AGBL1: variants seen among roughly 807,000 people sequenced by gnomAD.
AGBL1 encodes the protein AGBL carboxypeptidase 1, also known as cytosolic carboxypeptidase 4.
In AGBL1, 130 loss-of-function variants were observed where a neutral mutation model predicts 118.9. The ratio of observed to expected loss-of-function variants is 1.09; its 90% CI spans 0.95 to 1.26. AGBL1 has a LOEUF of 1.26. AGBL1 is among the 50% of genes most tolerant of loss of function. AGBL1 has a pLI of 0.00. For missense variants in AGBL1, 1,584 were observed against 1,298.1 expected, an observed-to-expected ratio of 1.22 and a Z score of -3.38; for synonymous variants, 555 against 478.9, an observed-to-expected ratio of 1.16 and a Z score of -2.08.
chr15:86,910,983 T>A lies in AGBL1; in HGVS notation c.*3689T>A, dbSNP rs1326545536. 6.6e-6 allele frequency: 1 copy of A among 152,218 alleles called. No individual in the cohort carries two copies. The highest frequency in any genetic ancestry group is 6.5e-5 in the Admixed American group (1 of 15,290). 9.4% of individuals were successfully genotyped at this position (152,218 alleles called of 1,614,324 possible). A position where few individuals can be genotyped will look rare whatever the true frequency, so the allele number is the denominator to read the frequency against. ...ATAGTTATAAGAGCCATTCTTCCAGTCAAGCCAGGACTTTCTCTTGCTGGC... is the reference window on the plus strand; with the variant it reads ...ATAGTTATAAGAGCCATTCTTCCAGACAAGCCAGGACTTTCTCTTGCTGGC... On this transcript the variant is annotated 3_prime_UTR_variant, in exon 23 of 23. Coordinates refer to ENST00000614907, the MANE Select transcript of AGBL1 (RefSeq NM_001386094.1).
chr15:86,672,090 A>C (rs999874260), intron 21 of AGBL1, among the ~76,000 whole-genome samples: 5 of 152,108 alleles, frequency 3.3e-5, no homozygotes, highest in African/African-American at 1.2e-4. Flanking sequence ...AACAAAAACA[A>C]CTCTCAAATA....
intron 21 of AGBL1, among the ~76,000 whole-genome samples, chr15:86,566,610 A>G (rs2083919366): frequency 6.6e-6 from 1 of 152,048 alleles, no homozygotes; most frequent in Non-Finnish European, 1.5e-5. Context: ...TCATCAGAGA[A>G]CCATGGCTCT....
At chr15:86,597,104 C>G (rs956692208) in intron 21 of AGBL1, among the ~76,000 whole-genome samples, 1 of 151,068 alleles carries the variant, frequency 6.6e-6, no homozygotes, top group African/African-American at 2.4e-5. Context: ...ATAGATTGAT[C>G]TATTGATCTG....
intron 17 of AGBL1, among the ~76,000 whole-genome samples, chr15:86,365,861 G>T (rs1380707606): frequency 6.6e-6 from 1 of 152,106 alleles, no homozygotes; most frequent in Non-Finnish European, 1.5e-5. Context: ...GGGCCAATCT[G>T]TGCTTCGTTT....
rs1199483713 is a variant in AGBL1, at chr15:86,914,342, C to T, written c.*7048C>T. Reference sequence around the variant, plus strand: ...TGCTCAGACAATCACATAAGTGACTCATTTCACTCTCAGTACCAGCTCTGT... The same window carrying T: ...TGCTCAGACAATCACATAAGTGACTTATTTCACTCTCAGTACCAGCTCTGT... On this transcript the variant is annotated 3_prime_UTR_variant, in exon 23 of 23. Transcript: ENST00000614907. The T allele has an allele frequency of 6.6e-6, 1 of 152,308 alleles. No individual in the cohort carries two copies. Among genetic ancestry groups the T allele is most frequent in the East Asian group, 1.9e-4 (1 of 5,174 alleles). 9.4% of individuals were successfully genotyped at this position (152,308 alleles called of 1,614,324 possible).
chr15:86,511,857 A>G (rs577244040), intron 18 of AGBL1, among the ~76,000 whole-genome samples: 2 of 152,048 alleles, frequency 1.3e-5, no homozygotes, highest in South Asian at 2.1e-4. Flanking sequence ...GGAGCTTTCA[A>G]TATTAAATGA....
At chr15:86,132,689 A>G (rs984787823) in intron 1 of AGBL1, among the ~76,000 whole-genome samples, 4 of 152,206 alleles carry the variant, frequency 2.6e-5, no homozygotes, top group African/African-American at 9.6e-5. Flanking sequence ...TGCTAGCATT[A>G]TTATGATGAC....
At chr15:86,693,860 CCCACTTTATGTTTTT>C (rs1417504333) in intron 22 of AGBL1, among the ~76,000 whole-genome samples, 2 of 152,036 alleles carry the variant, frequency 1.3e-5, no homozygotes, top group African/African-American at 4.8e-5. Flanking sequence ...GTGTCCTTTC[CCCACTTTATGTTTTT>C]ATTTGCTTTG....
chr15:86,957,820 A>T (rs1267727154), intron 23 of AGBL1, among the ~76,000 whole-genome samples: 12 of 152,106 alleles, frequency 7.9e-5, no homozygotes, highest in Admixed American at 7.9e-4. Context: ...ATGTTGAAAG[A>T]TTTTGTTTTC....
chr15:86,400,148 C>T (rs2081423051), intron 18 of AGBL1, among the ~76,000 whole-genome samples: 2 of 152,114 alleles, frequency 1.3e-5, no homozygotes, highest in African/African-American at 2.4e-5. Context: ...CTGTAATTGA[C>T]ATTTTATTTC....
intron 17 of AGBL1, among the ~76,000 whole-genome samples, chr15:86,317,574 G>A (rs372136217): frequency 6.6e-6 from 1 of 152,194 alleles, no homozygotes. Context: ...ACTTTGAGAG[G>A]CGAAAGAATT....
At chr15:86,681,440 C>T (rs561766681) in intron 22 of AGBL1, among the ~76,000 whole-genome samples, 1 of 152,072 alleles carries the variant, frequency 6.6e-6, no homozygotes, top group African/African-American at 2.4e-5. Flanking sequence ...TTCCAGATAC[C>T]TTTATACAGC....
chr15:86,803,491 C>G (rs2078677850), intron 22 of AGBL1, among the ~76,000 whole-genome samples: 1 of 152,108 alleles, frequency 6.6e-6, no homozygotes, highest in Admixed American at 6.6e-5. Context: ...CAGACTAGTA[C>G]AAACACTAAT....
intron 21 of AGBL1, among the ~76,000 whole-genome samples, chr15:86,661,512 C>G (rs1310005368): frequency 6.6e-6 from 1 of 151,660 alleles, no homozygotes; most frequent in Non-Finnish European, 1.5e-5. Context: ...GTTAGCAGAA[C>G]TAGACTGGGT....
intron 4 of AGBL1, 66 bp from the exon 5 acceptor site, chr15:86,158,867 C>T: frequency 2.8e-6 from 4 of 1,423,084 alleles, no homozygotes; most frequent in Non-Finnish European, 4.0e-6. Flanking sequence ...AGGAGTCAAT[C>T]CAAGTTGTCT....
At chr15:86,892,379 G>T (rs554934726) in intron 22 of AGBL1, among the ~76,000 whole-genome samples, 132 of 152,216 alleles carry the variant, frequency 8.7e-4, no homozygotes, top group Non-Finnish European at 1.3e-3. Flanking sequence ...TCATGACTTC[G>T]ATTGGGGCTG....
intron 22 of AGBL1, among the ~76,000 whole-genome samples, chr15:86,823,130 T>G (rs941253543): frequency 8.5e-5 from 13 of 152,138 alleles, no homozygotes; most frequent in Non-Finnish European, 1.9e-4. Flanking sequence ...GGAGTCACCT[T>G]ATAAAAGCTT....
chr15:86,091,512 C>G (rs1496870), intron 1 of AGBL1, among the ~76,000 whole-genome samples: 47,690 of 152,128 alleles, frequency 0.31, 7,944 homozygotes, highest in African/African-American at 0.43. Flanking sequence ...TGCAGTTATG[C>G]CTAGGCCTAT....
intron 21 of AGBL1, among the ~76,000 whole-genome samples, chr15:86,667,246 G>C (rs141781225): frequency 0.068 from 7,766 of 113,848 alleles, 279 homozygotes; most frequent in African/African-American, 0.13. Context: ...ATGTATGTAT[G>C]TATGTATGTA....
Sources: allele counts gnomAD v4.1 joint callset (sites outside exome capture counted in the v4.1 genomes callset), GRCh38; gene constraint gnomAD v4.1.1; transcripts MANE v1.5; gene names NCBI Gene and HGNC (gene_info 2026-07-23, HGNC 2026-07-21).